The following ST6GALNAC3 variants were observed in gnomAD, a reference collection of about 807,000 sequenced individuals.
ST6GALNAC3 encodes ST6 N-acetylgalactosaminide alpha-2,6-sialyltransferase 3, also known as alpha-N-acetylgalactosaminide alpha-2,6-sialyltransferase 3.
In ST6GALNAC3, 25 loss-of-function variants were observed where a neutral mutation model predicts 32.7. The ratio of observed to expected loss-of-function variants is 0.76; its 90% CI spans 0.56 to 1.07. ST6GALNAC3 has a LOEUF of 1.07. Among genes scored for constraint, ST6GALNAC3 ranks in the 50% least tolerant of loss-of-function variants. ST6GALNAC3 has a pLI of 0.00. For synonymous variants in ST6GALNAC3, 129 were observed against 133.1 expected (o/e 0.97, Z 0.21); for missense variants, 355 against 382.4 (o/e 0.93, Z 0.60).
intron 1 of ST6GALNAC3, among the ~76,000 whole-genome samples, chr1:76,290,723 G>A (rs1447562583): frequency 6.6e-6 from 1 of 152,092 alleles, no homozygotes; most frequent in Non-Finnish European, 1.5e-5. Flanking sequence ...ATCTCATACT[G>A]GGACATTTGC....
intron 2 of ST6GALNAC3, among the ~76,000 whole-genome samples, chr1:76,382,784 A>G (rs982357553): frequency 6.6e-6 from 1 of 152,238 alleles, no homozygotes; most frequent in African/African-American, 2.4e-5. Context: ...ACATTGGTAT[A>G]ACATAAGTAT....
intron 1 of ST6GALNAC3, among the ~76,000 whole-genome samples, chr1:76,295,988 C>A (rs1173410560): frequency 2.6e-5 from 4 of 151,950 alleles, no homozygotes; most frequent in African/African-American, 9.7e-5. Flanking sequence ...TTTTTAAGTG[C>A]TTTTAGCTCA....
At chr1:76,295,241 A>G (rs879264087) in intron 1 of ST6GALNAC3, among the ~76,000 whole-genome samples, 1 of 152,096 alleles carries the variant, frequency 6.6e-6, no homozygotes, top group Non-Finnish European at 1.5e-5. Flanking sequence ...AGCTTCTTGA[A>G]GATTTTTCAA....
intron 3 of ST6GALNAC3, among the ~76,000 whole-genome samples, chr1:76,425,401 C>A (rs1417752670): frequency 6.6e-6 from 1 of 151,962 alleles, no homozygotes; most frequent in Non-Finnish European, 1.5e-5. Flanking sequence ...CGTACACTCA[C>A]ACCAAGCTCT....
intron 2 of ST6GALNAC3, among the ~76,000 whole-genome samples, chr1:76,327,275 C>CGTGTGTGTGTGTGTGTGTGTGTGTGT (rs3079480): frequency 7.2e-6 from 1 of 138,664 alleles, no homozygotes; most frequent in African/African-American, 2.6e-5. Context: ...TGTATATATG[C>CGTGTGTGTGTGTGTGTGTGTGTGTGT]GTGTGTGTGT....
chr1:76,105,507 T>TTTCAGATGTGCTA (rs60694649), intron 1 of ST6GALNAC3, among the ~76,000 whole-genome samples: 33 of 152,102 alleles, frequency 2.2e-4, no homozygotes, highest in African/African-American at 7.0e-4. Flanking sequence ...CATCCTGAGA[T>TTTCAGATGTGCTA]TAGGTCACAG....
At chr1:76,545,557 T>G (rs1664243445) in intron 3 of ST6GALNAC3, among the ~76,000 whole-genome samples, 1 of 152,144 alleles carries the variant, frequency 6.6e-6, no homozygotes, top group Non-Finnish European at 1.5e-5. Flanking sequence ...ATTAATAACA[T>G]TTTTTGTACT....
intron 3 of ST6GALNAC3, among the ~76,000 whole-genome samples, chr1:76,482,111 C>T (rs1659760866): frequency 6.6e-6 from 1 of 151,660 alleles, no homozygotes; most frequent in Admixed American, 6.6e-5. Flanking sequence ...TTAGAAATTT[C>T]TCAAAGAGAA....
At chr1:76,101,218 G>A (rs907701949) in intron 1 of ST6GALNAC3, among the ~76,000 whole-genome samples, 1 of 152,088 alleles carries the variant, frequency 6.6e-6, no homozygotes, top group Non-Finnish European at 1.5e-5. Context: ...TGTCTCTATA[G>A]TTTTGCCTTT....
intron 3 of ST6GALNAC3, among the ~76,000 whole-genome samples, chr1:76,431,006 G>A (rs1320029440): frequency 6.6e-6 from 1 of 152,066 alleles, no homozygotes; most frequent in Non-Finnish European, 1.5e-5. Context: ...ACCTTTTTGG[G>A]AAAGTATTAT....
chr1:76,120,321 A>G (rs1038737458), intron 1 of ST6GALNAC3, among the ~76,000 whole-genome samples: 1 of 152,198 alleles, frequency 6.6e-6, no homozygotes, highest in Non-Finnish European at 1.5e-5. Flanking sequence ...TTGTGGCCAC[A>G]TACTGCCCTA....
chr1:76,456,449 C>G (rs868453645), intron 3 of ST6GALNAC3, among the ~76,000 whole-genome samples: 2 of 152,028 alleles, frequency 1.3e-5, no homozygotes, highest in African/African-American at 4.8e-5. Flanking sequence ...TGGGTTCAAG[C>G]AATTCTGCCT....
rs1649153117 is a variant in ST6GALNAC3 at position 76,628,947 on chromosome 1, A to T, written c.*141A>T. The T allele has an allele frequency of 6.8e-7, 1 of 1,464,182 alleles. No homozygotes were observed. Among genetic ancestry groups the T allele is most frequent in the Non-Finnish European group, 8.9e-7 (1 of 1,118,490 alleles). The allele number at this position is 1,464,182 out of a possible 1,614,324, so 90.7% of individuals were successfully genotyped here. ...AGTTCCTGTACACTCTCAGATGTGG[A>T]TGGTGACTCTGCTAGTAATTTAAAC... On this transcript the variant is annotated 3_prime_UTR_variant, in exon 5 of 5. Coordinates refer to ENST00000328299, the MANE Select transcript of ST6GALNAC3 (RefSeq NM_152996.4).
At chr1:76,331,247 G>A (rs1647181776) in intron 2 of ST6GALNAC3, among the ~76,000 whole-genome samples, 1 of 152,152 alleles carries the variant, frequency 6.6e-6, no homozygotes, top group African/African-American at 2.4e-5. Flanking sequence ...ATTTGTTCAT[G>A]AGTAATGGAA....
chr1:76,360,228 A>T (rs1315087990), intron 2 of ST6GALNAC3, among the ~76,000 whole-genome samples: 1 of 152,198 alleles, frequency 6.6e-6, no homozygotes, highest in East Asian at 1.9e-4. Flanking sequence ...TCTGTCTCTG[A>T]TTACTTCATG....
intron 1 of ST6GALNAC3, among the ~76,000 whole-genome samples, chr1:76,156,433 T>C (rs1297051471): frequency 6.6e-6 from 1 of 152,220 alleles, no homozygotes; most frequent in East Asian, 1.9e-4. Flanking sequence ...ATTTCTCTCT[T>C]CTTCCCCATT....
At chr1:76,470,360 T>A (rs189338069) in intron 3 of ST6GALNAC3, among the ~76,000 whole-genome samples, 2 of 152,154 alleles carry the variant, frequency 1.3e-5, no homozygotes, top group Admixed American at 1.3e-4. Context: ...ATTGTAGACA[T>A]CTGGGAATGG....
chr1:76,142,405 A>G lies in ST6GALNAC3; in HGVS notation c.18+67521A>G, dbSNP rs916784273. ...CATTCTTCTCTTGTCTTCATGCTCC[A>G]TCACTTCCTAGGGTGTTGTCTACAC... is the stretch of plus-strand genomic sequence containing the variant. On this transcript the variant is annotated intron_variant, in intron 1 of 4. Transcript: ENST00000328299. 2.6e-5 allele frequency among the ~76,000 whole-genome samples: 4 copies of G among 152,112 alleles called. 1 individual carries two copies. The highest frequency in any genetic ancestry group is 5.9e-5 in the Non-Finnish European group (4 of 68,008).
intron 3 of ST6GALNAC3, among the ~76,000 whole-genome samples, chr1:76,462,867 A>T (rs917799002): frequency 1.3e-5 from 2 of 152,276 alleles, no homozygotes; most frequent in Middle Eastern, 3.4e-3. Flanking sequence ...TCCACATTTT[A>T]AAAAATTGTA....
Sources: gnomAD v4.1 joint callset for allele counts (sites outside exome capture counted in the v4.1 genomes callset) on GRCh38, gnomAD v4.1.1 for gene constraint, MANE v1.5 for transcripts, NCBI Gene and HGNC (gene_info 2026-07-23, HGNC 2026-07-21) for gene names.